ZNF532: variants seen among roughly 807,000 people sequenced by gnomAD.
ZNF532 encodes zinc finger protein 532.
In ZNF532, 22 loss-of-function variants were observed where a neutral mutation model predicts 89.3. That is an observed-to-expected ratio of 0.25 (90% CI 0.18 to 0.35). The LOEUF (loss-of-function observed/expected upper bound fraction) is 0.35, where lower values mean the gene tolerates loss of function less well. Ranked by LOEUF, ZNF532 falls within the 10% of genes least tolerant of loss-of-function variation. The probability of loss-of-function intolerance (pLI) is 1.00; values close to 1 mark genes in which losing one functional copy is unlikely to be tolerated. For missense variants in ZNF532, 1,132 were observed against 1,643.4 expected (o/e 0.69, Z 5.38); for synonymous variants, 606 against 649.6 (o/e 0.93, Z 1.02).
intron 8 of ZNF532, chr18:58,979,412 G>A (rs1024487408): frequency 4.3e-6 from 1 of 235,248 alleles, no homozygotes; most frequent in African/African-American, 2.2e-5. Flanking sequence ...TCCCGAGACG[G>A]AGTCTCACTC....
At chr18:58,889,257 A>C in intron 2 of ZNF532, among the ~76,000 whole-genome samples, 1 of 152,128 alleles carries the variant, frequency 6.6e-6, no homozygotes. Context: ...CTCTGAAGTT[A>C]GCTAGATAGA....
chr18:58,921,220 A>G (rs745437551), intron 3 of ZNF532, among the ~76,000 whole-genome samples: 1 of 152,176 alleles, frequency 6.6e-6, no homozygotes, highest in African/African-American at 2.4e-5. Context: ...TCGTTTGGTC[A>G]TTGGAATGTA....
rs922847174 is a variant in ZNF532 at position 58,957,425 on chromosome 18, A to G, written c.3150+3626A>G. ...AAAATACATATATATATATATATAT[A>G]TATATATATAGAAATAAAATAACTT... On this transcript the variant is annotated intron_variant, in intron 7 of 9. Coordinates refer to ENST00000591808, the MANE Select transcript of ZNF532 (RefSeq NM_001375912.1). 4.9e-4 allele frequency among the ~76,000 whole-genome samples: 72 copies of G among 148,268 alleles called. 1 individual carries two copies. The highest frequency in any genetic ancestry group is 1.7e-3 in the African/African-American group (70 of 40,740).
At chr18:58,969,108 G>T (rs2066208698) in intron 7 of ZNF532, among the ~76,000 whole-genome samples, 1 of 152,114 alleles carries the variant, frequency 6.6e-6, no homozygotes, top group African/African-American at 2.4e-5. Context: ...GTTTTAAGTT[G>T]GGAAAACTTC....
intron 2 of ZNF532, among the ~76,000 whole-genome samples, chr18:58,878,224 C>T (rs1476930733): frequency 6.6e-6 from 1 of 151,522 alleles, no homozygotes; most frequent in Non-Finnish European, 1.5e-5. Context: ...CACTGCACTC[C>T]AGCCTGGGCG....
At chr18:58,933,357 A>G (rs1480884465) in intron 3 of ZNF532, among the ~76,000 whole-genome samples, 1 of 152,150 alleles carries the variant, frequency 6.6e-6, no homozygotes, top group African/African-American at 2.4e-5. Context: ...CGGAAGTTTA[A>G]ACCTTAATTT....
At chr18:58,883,044 T>C (rs1433022506) in intron 2 of ZNF532, among the ~76,000 whole-genome samples, 3 of 152,228 alleles carry the variant, frequency 2.0e-5, no homozygotes, top group African/African-American at 7.2e-5. Context: ...TGGGTAAATA[T>C]TCTTCCAAGC....
At chr18:58,918,182 C>T (rs562268049) in intron 2 of ZNF532, 89 bp from the exon 3 acceptor site, 4 of 1,213,528 alleles carry the variant, frequency 3.3e-6, no homozygotes, top group Admixed American at 2.5e-5. Context: ...TCTTAGTAAT[C>T]GTTATGTTAG....
At chr18:58,951,778 T>G (rs1720499757) in intron 6 of ZNF532, among the ~76,000 whole-genome samples, 1 of 151,100 alleles carries the variant, frequency 6.6e-6, no homozygotes, top group Non-Finnish European at 1.5e-5. Context: ...GCCTCCCAAG[T>G]AGATGGGACT....
intron 3 of ZNF532, among the ~76,000 whole-genome samples, chr18:58,927,211 T>C (rs962767278): frequency 2.0e-5 from 3 of 152,186 alleles, no homozygotes; most frequent in African/African-American, 4.8e-5. Context: ...AATTTACCTT[T>C]GCTACTGGGC....
At chr18:58,928,938 A>G (rs2061737304) in intron 3 of ZNF532, among the ~76,000 whole-genome samples, 1 of 152,210 alleles carries the variant, frequency 6.6e-6, no homozygotes, top group Non-Finnish European at 1.5e-5. Context: ...TCTTAAAACC[A>G]TGTCTAAATT....
At chr18:58,954,755 C>A (rs1261344336) in intron 7 of ZNF532, among the ~76,000 whole-genome samples, 2 of 146,470 alleles carry the variant, frequency 1.4e-5, no homozygotes, top group African/African-American at 5.2e-5. Context: ...CTCTGTTGTC[C>A]AGGCTGAAAT....
At position 58,918,509 on chromosome 18, in the gene ZNF532, C is replaced by T. The variant is rs376177159; in HGVS notation, c.222C>T (p.Ser74=). Residue 74 remains serine, a synonymous_variant, in exon 3 of 10, where the codon TCC becomes TCT. Coordinates refer to ENST00000591808, the MANE Select transcript of ZNF532 (RefSeq NM_001375912.1). The part of the protein sequence containing the change: ...IVKNVRNIDS[S]EGGEKDGHNP... Reference sequence around the variant, plus strand: ...AGAATGTTCGGAACATTGACTCTTCCGAGGGCGGGGAGAAAGACGGCCACA... The same window carrying T: ...AGAATGTTCGGAACATTGACTCTTCTGAGGGCGGGGAGAAAGACGGCCACA... 1.8e-5 allele frequency: 29 copies of T among 1,614,150 alleles called. No homozygotes were observed. Among genetic ancestry groups the T allele is most frequent in the African/African-American group, 6.7e-5 (5 of 75,052 alleles).
intron 7 of ZNF532, among the ~76,000 whole-genome samples, chr18:58,959,348 C>T (rs2065126857): frequency 6.7e-6 from 1 of 148,584 alleles, no homozygotes; most frequent in Admixed American, 6.8e-5. Flanking sequence ...TCTTGGCTCA[C>T]TGCAACCTCC....
chr18:58,941,803 T>C (rs1043330281), intron 5 of ZNF532, among the ~76,000 whole-genome samples: 10 of 151,752 alleles, frequency 6.6e-5, no homozygotes, highest in African/African-American at 2.4e-4. Context: ...TCTTTTCTCT[T>C]TTCTTTGTTT....
intron 7 of ZNF532, among the ~76,000 whole-genome samples, chr18:58,958,696 C>G (rs1163734598): frequency 2.0e-5 from 3 of 152,222 alleles, no homozygotes; most frequent in African/African-American, 7.2e-5. Flanking sequence ...CAGATACACA[C>G]AAGTTGCAGT....
intron 7 of ZNF532, chr18:58,954,140 C>A: frequency 1.0e-6 from 1 of 969,530 alleles, no homozygotes; most frequent in Non-Finnish European, 1.2e-6. Context: ...CTTGTGCCAG[C>A]TAAGGAAGAA....
intron 7 of ZNF532, 93 bp from the exon 8 acceptor site, chr18:58,978,961 TA>T: frequency 9.7e-7 from 1 of 1,026,824 alleles, no homozygotes. Flanking sequence ...GGACCTGTAA[TA>T]ATGATTTAAC....
At position 58,965,655 on chromosome 18, in the gene ZNF532, A is replaced by G. The variant is rs11152110; in HGVS notation, c.3150+11856A>G. On this transcript the variant is annotated intron_variant, in intron 7 of 9. Transcript: ENST00000591808. The stretch of plus-strand genomic sequence containing the variant: ...CTGGACGTGTGTGTAGTTTTGGAAG[A>G]CTGTGAATGTCCTGGTTTTATATTC... 2.1e-3 allele frequency among the ~76,000 whole-genome samples: 316 copies of G among 152,290 alleles called. 2 individuals are homozygous for G. Among genetic ancestry groups the G allele is most frequent in the African/African-American group, 7.4e-3 (307 of 41,552 alleles).
Sources: gnomAD v4.1 joint callset for allele counts (sites outside exome capture counted in the v4.1 genomes callset) on GRCh38, gnomAD v4.1.1 for gene constraint, MANE v1.5 for transcripts, NCBI Gene and HGNC (gene_info 2026-07-23, HGNC 2026-07-21) for gene names.